ITPR1: variants seen among roughly 807,000 people sequenced by gnomAD.
ITPR1 encodes inositol 1,4,5-trisphosphate receptor type 1, also known as inositol 1,4,5-trisphosphate-gated calcium channel ITPR1.
A neutral mutation model predicts 318.4 loss-of-function variants in ITPR1; 96 were observed. The ratio of observed to expected loss-of-function variants is 0.30; its 90% CI spans 0.26 to 0.36. The LOEUF is 0.36. Ranked by LOEUF, ITPR1 falls within the 10% of genes least tolerant of loss-of-function variation. The pLI is 1.00. For synonymous variants in ITPR1, 1,312 were observed against 1,289.9 expected (o/e 1.02, Z -0.37); for missense variants, 2,440 against 3,460.2 (o/e 0.71, Z 7.40).
chr3:4,516,817 G>A (rs1188328520), intron 3 of ITPR1, among the ~76,000 whole-genome samples: 1 of 152,156 alleles, frequency 6.6e-6, no homozygotes, highest in Non-Finnish European at 1.5e-5. Flanking sequence ...ACTATTCTGA[G>A]TTTATTAAAA....
At chr3:4,730,881 A>G (rs1353388300) in intron 42 of ITPR1, among the ~76,000 whole-genome samples, 4 of 152,156 alleles carry the variant, frequency 2.6e-5, no homozygotes, top group African/African-American at 9.7e-5. Flanking sequence ...TGCGATGGCT[A>G]CGTTGGCTGT....
At position 4,762,570 on chromosome 3, in the gene ITPR1, T is replaced by C. The variant is rs1047032189; in HGVS notation, c.5545-3960T>C. On this transcript the variant is annotated intron_variant, in intron 44 of 61. Transcript: ENST00000649015. ...TCACATTCTACTAATGTAATGGTAG[T>C]AGAAAAACAAAATTAACACCATCAG... Among the ~76,000 whole-genome samples the C allele has an allele frequency of 2.0e-5, 3 of 152,156 alleles. No homozygotes were observed. In the South Asian group the frequency reaches 6.2e-4, roughly 31 times the overall value.
intron 60 of ITPR1, among the ~76,000 whole-genome samples, chr3:4,821,402 C>T (rs887648315): frequency 1.3e-5 from 2 of 152,198 alleles, no homozygotes; most frequent in Admixed American, 6.5e-5. Flanking sequence ...AGATGCCACT[C>T]GGGCAGGGAG....
chr3:4,802,359 G>C (rs1315714521), intron 54 of ITPR1, among the ~76,000 whole-genome samples: 1 of 152,216 alleles, frequency 6.6e-6, no homozygotes, highest in Admixed American at 6.5e-5. Flanking sequence ...TCCATACAAA[G>C]AAGTATTCTT....
rs569854306 is a variant in ITPR1, at chr3:4,686,030, C to A, written c.3702+824C>A. ...TTCTAGGTGCTTGCAGGGTGCCAGGCGCCATGCTGAGGCCTTTATACACAT... is the reference window on the plus strand; with the variant it reads ...TTCTAGGTGCTTGCAGGGTGCCAGGAGCCATGCTGAGGCCTTTATACACAT... On this transcript the variant is annotated intron_variant, in intron 30 of 61. Transcript: ENST00000649015. Among the ~76,000 whole-genome samples the A allele has an allele frequency of 1.2e-4, 19 of 152,260 alleles. 1 individual carries two copies. In the South Asian group the frequency reaches 3.5e-3, roughly 28 times the overall value.
intron 44 of ITPR1, among the ~76,000 whole-genome samples, chr3:4,756,703 A>G (rs2045021852): frequency 6.6e-6 from 1 of 152,134 alleles, no homozygotes; most frequent in South Asian, 2.1e-4. Flanking sequence ...AAAAAATTCT[A>G]CATTGTGACA....
At chr3:4,596,172 A>G (rs1366523652) in intron 4 of ITPR1, 1 of 152,206 alleles carries the variant, frequency 6.6e-6, no homozygotes, top group Non-Finnish European at 1.5e-5. Flanking sequence ...CTATCTATGT[A>G]TCTATACTTC....
chr3:4,743,597 C>T (rs1175956204), intron 44 of ITPR1, among the ~76,000 whole-genome samples: 1 of 152,154 alleles, frequency 6.6e-6, no homozygotes, highest in African/African-American at 2.4e-5. Context: ...GAATGTGCAT[C>T]CTGGTTCATG....
At chr3:4,663,687 G>T (rs544249639) in intron 16 of ITPR1, among the ~76,000 whole-genome samples, 47 of 152,110 alleles carry the variant, frequency 3.1e-4, no homozygotes, top group Non-Finnish European at 6.3e-4. Context: ...TTACATTAGG[G>T]TTCTCTCTTG....
intron 4 of ITPR1, among the ~76,000 whole-genome samples, chr3:4,610,353 T>A (rs560268757): frequency 4.6e-5 from 7 of 152,290 alleles, no homozygotes; most frequent in Non-Finnish European, 1.0e-4. Context: ...AAGCACTTAA[T>A]AATTGTTTGA....
chr3:4,724,662 T>C (rs1416058579), intron 40 of ITPR1, among the ~76,000 whole-genome samples: 1 of 152,180 alleles, frequency 6.6e-6, no homozygotes, highest in African/African-American at 2.4e-5. Flanking sequence ...TCCAGGCACA[T>C]GTCCTTTTGG....
intron 25 of ITPR1, 69 bp from the exon 26 acceptor site, chr3:4,681,295 T>C (rs1300523112): frequency 1.6e-5 from 17 of 1,072,002 alleles, no homozygotes; most frequent in South Asian, 7.6e-5. Context: ...GCAAAACTTA[T>C]GGATGAGTTC....
chr3:4,702,186 A>G (rs1278845158), intron 35 of ITPR1, among the ~76,000 whole-genome samples: 1 of 152,246 alleles, frequency 6.6e-6, no homozygotes, highest in Non-Finnish European at 1.5e-5. Context: ...TAAAATGAGT[A>G]TAAATTTATA....
intron 4 of ITPR1, among the ~76,000 whole-genome samples, chr3:4,567,235 C>G (rs528306981): frequency 1.3e-5 from 2 of 152,268 alleles, no homozygotes; most frequent in African/African-American, 4.8e-5. Context: ...TGGACAATTT[C>G]ATACTTTGTT....
intron 8 of ITPR1, 118 bp from the exon 9 acceptor site, chr3:4,645,269 T>C: frequency 1.4e-6 from 1 of 719,556 alleles, no homozygotes; most frequent in East Asian, 2.7e-5. Context: ...CGTCAATCTT[T>C]AGAGTTTTTA....
chr3:4,612,697 GC>G (rs2092206490), intron 4 of ITPR1, among the ~76,000 whole-genome samples: 1 of 151,976 alleles, frequency 6.6e-6, no homozygotes, highest in African/African-American at 2.4e-5. Flanking sequence ...GACCAGCCTG[GC>G]CAACGTGGCG....
chr3:4,566,150 A>T (rs2087226128), intron 4 of ITPR1, among the ~76,000 whole-genome samples: 1 of 152,230 alleles, frequency 6.6e-6, no homozygotes, highest in African/African-American at 2.4e-5. Flanking sequence ...AATAAATCAA[A>T]AAGTGAATGA....
chr3:4,680,411 C>T, intron 24 of ITPR1, 142 bp from the exon 25 acceptor site: 1 of 701,634 alleles, frequency 1.4e-6, no homozygotes, highest in Non-Finnish European at 2.4e-6. Context: ...CTGTTGAAAT[C>T]TAAGCCAAAT....
chr3:4,679,300 G>T (rs540559683), intron 24 of ITPR1, among the ~76,000 whole-genome samples: 300 of 152,334 alleles, frequency 2.0e-3, no homozygotes, highest in African/African-American at 6.5e-3. Context: ...ACAAGAGGGG[G>T]TTTATTATGG....
Sources: allele counts gnomAD v4.1 joint callset (sites outside exome capture counted in the v4.1 genomes callset), GRCh38; gene constraint gnomAD v4.1.1; transcripts MANE v1.5; gene names NCBI Gene and HGNC (gene_info 2026-07-23, HGNC 2026-07-21).